The following OCA2 variants were observed in gnomAD, a reference collection of about 807,000 sequenced individuals.
OCA2 encodes the protein OCA2 melanosomal transmembrane protein, also known as P protein.
Under a neutral mutation model 100.2 loss-of-function variants are expected in OCA2, and 77 were observed. The observed-to-expected ratio is 0.77, with a 90% confidence interval of 0.64 to 0.93. The LOEUF is 0.93. Among genes scored for constraint, OCA2 ranks in the 40% least tolerant of loss-of-function variants. The probability of loss-of-function intolerance (pLI) is 0.00; values close to 1 mark genes in which losing one functional copy is unlikely to be tolerated. For missense variants in OCA2, 1,062 were observed against 1,089.1 expected, an observed-to-expected ratio of 0.98 and a Z score of 0.35; for synonymous variants, 432 against 439.2, an observed-to-expected ratio of 0.98 and a Z score of 0.21.
chr15:27,768,094 G>T (rs1047679469), intron 23 of OCA2, among the ~76,000 whole-genome samples: 1 of 152,156 alleles, frequency 6.6e-6, no homozygotes. Context: ...CTGGCGCAGG[G>T]AGGGCCGGCC....
chr15:27,870,584 C>T (rs2036507059), intron 21 of OCA2, among the ~76,000 whole-genome samples: 1 of 152,036 alleles, frequency 6.6e-6, no homozygotes, highest in African/African-American at 2.4e-5. Flanking sequence ...CTAGGAGACA[C>T]ACAGGCTGGT....
chr15:27,948,797 G>A (rs2039931703), intron 18 of OCA2, among the ~76,000 whole-genome samples: 1 of 152,128 alleles, frequency 6.6e-6, no homozygotes, highest in Non-Finnish European at 1.5e-5. Flanking sequence ...ACAGCAACTT[G>A]GGTGAACCAT....
At chr15:27,824,602 C>CTATATATATATATA (rs142689690) in intron 23 of OCA2, among the ~76,000 whole-genome samples, 23 of 47,458 alleles carry the variant, frequency 4.8e-4, no homozygotes, top group South Asian at 1.5e-3. Flanking sequence ...CTCTCTCTCT[C>CTATATATATATATA]TATATATATA....
intron 15 of OCA2, among the ~76,000 whole-genome samples, chr15:27,964,961 G>T (rs2040518763): frequency 1.3e-5 from 2 of 152,210 alleles, no homozygotes; most frequent in African/African-American, 4.8e-5. Context: ...ATTCATTACA[G>T]AGATTATTTT....
At chr15:28,041,166 T>C (rs1004349002) in intron 2 of OCA2, among the ~76,000 whole-genome samples, 1 of 151,962 alleles carries the variant, frequency 6.6e-6, no homozygotes, top group Non-Finnish European at 1.5e-5. Context: ...TTATACACCA[T>C]GATGAAGTAG....
chr15:27,781,682 A>G (rs1157487781), intron 23 of OCA2, among the ~76,000 whole-genome samples: 2 of 152,218 alleles, frequency 1.3e-5, no homozygotes, highest in Non-Finnish European at 2.9e-5. Flanking sequence ...CTAATATGCT[A>G]TTTACTCTCT....
At chr15:27,807,537 C>A (rs1030081867) in intron 23 of OCA2, among the ~76,000 whole-genome samples, 1 of 152,182 alleles carries the variant, frequency 6.6e-6, no homozygotes, top group African/African-American at 2.4e-5. Flanking sequence ...GTCCCCTCCT[C>A]AGACAACCCG....
At chr15:28,063,012 T>C (rs1414228704) in intron 2 of OCA2, among the ~76,000 whole-genome samples, 2 of 152,194 alleles carry the variant, frequency 1.3e-5, no homozygotes, top group African/African-American at 4.8e-5. Flanking sequence ...TGCTATTCTT[T>C]TACAAGGTTG....
rs1344347497 is a variant in OCA2, at chr15:27,841,425, G to A, written c.2432+3534C>T. ...ATGATCTTCTACTATAGTTTGTCAA[G>A]ATTTTACTACCAGGGGTTTCTGCAC... On this transcript the variant is annotated intron_variant, in intron 23 of 23. Transcript: ENST00000354638. Among the ~76,000 whole-genome samples the A allele has an allele frequency of 2.6e-5, 4 of 152,144 alleles. No individual in the cohort carries two copies. The East Asian group carries it at 7.7e-4, about 29-fold the overall frequency.
At chr15:27,851,704 C>T (rs2151414151) in intron 21 of OCA2, among the ~76,000 whole-genome samples, 1 of 152,288 alleles carries the variant, frequency 6.6e-6, no homozygotes. Context: ...TGGTCCTGAG[C>T]CCTGCCAGCT....
intron 21 of OCA2, among the ~76,000 whole-genome samples, chr15:27,870,244 A>G (rs2036492837): frequency 6.6e-6 from 1 of 152,108 alleles, no homozygotes; most frequent in African/African-American, 2.4e-5. Context: ...GAAGGGGGAG[A>G]CCCTCAGAGT....
intron 1 of OCA2, among the ~76,000 whole-genome samples, chr15:28,094,853 C>G (rs1223239557): frequency 6.6e-6 from 1 of 152,190 alleles, no homozygotes; most frequent in Non-Finnish European, 1.5e-5. Context: ...CTCCCGCAGC[C>G]GTGCCCAGGG....
intron 19 of OCA2, among the ~76,000 whole-genome samples, chr15:27,893,784 A>ACGTG (rs2151609388): frequency 6.6e-6 from 1 of 152,308 alleles, no homozygotes; most frequent in African/African-American, 2.4e-5. Context: ...TCAAGACAAT[A>ACGTG]CGTGCACCGC....
At chr15:28,097,909 A>C (rs1326200713) in intron 1 of OCA2, among the ~76,000 whole-genome samples, 1 of 152,128 alleles carries the variant, frequency 6.6e-6, no homozygotes, top group Non-Finnish European at 1.5e-5. Flanking sequence ...TGATCTTTCC[A>C]AAATGCATAT....
At chr15:28,053,258 A>G (rs2043574536) in intron 2 of OCA2, among the ~76,000 whole-genome samples, 1 of 152,174 alleles carries the variant, frequency 6.6e-6, no homozygotes, top group Admixed American at 6.5e-5. Context: ...GGCAGCACCC[A>G]CATGGGTGGG....
intron 19 of OCA2, among the ~76,000 whole-genome samples, chr15:27,878,875 G>A (rs1002841291): frequency 7.3e-5 from 11 of 151,416 alleles, no homozygotes; most frequent in Admixed American, 2.6e-4. Flanking sequence ...TTTAAGTCCC[G>A]GGACACATGT....
chr15:28,082,021 C>A, intron 1 of OCA2, 126 bp from the exon 2 acceptor site: 2 of 778,098 alleles, frequency 2.6e-6, no homozygotes, highest in Non-Finnish European at 4.3e-6. Flanking sequence ...AGCATCCTAA[C>A]CACGCAAGAG....
intron 19 of OCA2, among the ~76,000 whole-genome samples, chr15:27,902,866 C>T (rs2038011021): frequency 6.6e-6 from 1 of 152,214 alleles, no homozygotes; most frequent in African/African-American, 2.4e-5. Flanking sequence ...AGGCACAGTG[C>T]GTTCCTCCAA....
chr15:27,848,617 C>T (rs1377435170), intron 22 of OCA2, among the ~76,000 whole-genome samples: 1 of 152,222 alleles, frequency 6.6e-6, no homozygotes, highest in African/African-American at 2.4e-5. Context: ...AGAACAAGGG[C>T]ATTTTCAAAA....
Sources: allele counts gnomAD v4.1 joint callset (sites outside exome capture counted in the v4.1 genomes callset), GRCh38; gene constraint gnomAD v4.1.1; transcripts MANE v1.5; gene names NCBI Gene and HGNC (gene_info 2026-07-23, HGNC 2026-07-21).